Variants in RNF150 observed in about 807,000 individuals in gnomAD.
The protein encoded by RNF150 is ring finger protein 150.
Under a neutral mutation model 39.3 loss-of-function variants are expected in RNF150, and 24 were observed. The ratio of observed to expected loss-of-function variants is 0.61; its 90% CI spans 0.44 to 0.86. The LOEUF (loss-of-function observed/expected upper bound fraction) is 0.86. Ranked by LOEUF, RNF150 falls within the 40% of genes least tolerant of loss-of-function variation. The pLI is 0.00. For missense variants in RNF150, 502 were observed against 587.8 expected (o/e 0.85, Z 1.51); for synonymous variants, 255 against 227.3 (o/e 1.12, Z -1.10).
intron 1 of RNF150, among the ~76,000 whole-genome samples, chr4:140,984,028 C>T (rs970033809): frequency 6.6e-6 from 1 of 152,058 alleles, no homozygotes; most frequent in African/African-American, 2.4e-5. Context: ...GTGTCAGCCC[C>T]GTGCCCAGCC....
intron 1 of RNF150, among the ~76,000 whole-genome samples, chr4:141,108,559 T>C (rs1739287300): frequency 6.6e-6 from 1 of 152,180 alleles, no homozygotes. Flanking sequence ...AAAAAAACAT[T>C]TTAACATCTC....
At chr4:140,892,681 C>T (rs1210437541) in intron 6 of RNF150, among the ~76,000 whole-genome samples, 13 of 135,736 alleles carry the variant, frequency 9.6e-5, no homozygotes, top group Non-Finnish European at 1.5e-5. Flanking sequence ...GGCTCCTTCC[C>T]CCTGGGGAGG....
At chr4:141,082,420 T>C (rs1385626177) in intron 1 of RNF150, among the ~76,000 whole-genome samples, 1 of 152,196 alleles carries the variant, frequency 6.6e-6, no homozygotes, top group African/African-American at 2.4e-5. Flanking sequence ...TTACTGGTTT[T>C]CCTTGCATTT....
At position 140,957,471 on chromosome 4, in the gene RNF150, A is replaced by G. The variant is rs1732808316; in HGVS notation, c.736-8099T>C. Among the ~76,000 whole-genome samples, 5 of 152,228 alleles carry G rather than the reference A, an allele frequency of 3.3e-5. No individual in the cohort carries two copies. In the South Asian group the frequency reaches 1.0e-3, roughly 32 times the overall value. On this transcript the variant is annotated intron_variant, in intron 2 of 6. Coordinates refer to ENST00000515673, the MANE Select transcript of RNF150 (RefSeq NM_020724.2). Reference sequence around the variant, plus strand: ...GTTGGTGGGACTGTAAACTGGTTCAACCATTGTGGAAGTCGGTGTGGCGAT... The same window carrying G: ...GTTGGTGGGACTGTAAACTGGTTCAGCCATTGTGGAAGTCGGTGTGGCGAT...
At chr4:141,066,834 A>G (rs146764010) in intron 1 of RNF150, among the ~76,000 whole-genome samples, 117 of 152,332 alleles carry the variant, frequency 7.7e-4, no homozygotes, top group African/African-American at 2.6e-3. Context: ...TAACAGGGCT[A>G]TATTTTGAGA....
At chr4:141,139,792 A>G (rs1578762973) in intron 1 of RNF150, among the ~76,000 whole-genome samples, 1 of 152,214 alleles carries the variant, frequency 6.6e-6, no homozygotes, top group African/African-American at 2.4e-5. Context: ...GCCCGAGGCC[A>G]TGCAGGTAGC....
intron 1 of RNF150, among the ~76,000 whole-genome samples, chr4:141,002,231 C>T (rs1358668478): frequency 6.6e-6 from 1 of 151,426 alleles, no homozygotes; most frequent in Non-Finnish European, 1.5e-5. Flanking sequence ...ATGCTTTTTA[C>T]CAGGGTTTTC....
At chr4:140,890,073 A>C (rs202004476) in intron 6 of RNF150, among the ~76,000 whole-genome samples, 7 of 152,156 alleles carry the variant, frequency 4.6e-5, no homozygotes. Context: ...CAACACAGCA[A>C]CCACCACTCT....
At chr4:140,929,233 TTAA>T (rs10565427) in intron 4 of RNF150, among the ~76,000 whole-genome samples, 149,466 of 152,154 alleles carry the variant, frequency 0.98, 73,475 homozygotes, top group East Asian at 1. Context: ...GGAGAAGTAT[TTAA>T]TACTACAGCG....
intron 1 of RNF150, among the ~76,000 whole-genome samples, chr4:141,078,852 C>T (rs1738032362): frequency 7.2e-6 from 1 of 139,216 alleles, no homozygotes; most frequent in East Asian, 2.0e-4. Flanking sequence ...CACACACATA[C>T]ATACATACAT....
intron 1 of RNF150, among the ~76,000 whole-genome samples, chr4:141,052,937 T>C (rs1736832164): frequency 6.6e-6 from 1 of 152,184 alleles, no homozygotes; most frequent in Non-Finnish European, 1.5e-5. Flanking sequence ...GGATCATTTT[T>C]GAGTCTGGGA....
chr4:140,921,327 A>G (rs1273476411), intron 5 of RNF150, among the ~76,000 whole-genome samples: 1 of 151,898 alleles, frequency 6.6e-6, no homozygotes, highest in Non-Finnish European at 1.5e-5. Flanking sequence ...CCATCAGAGA[A>G]TACTATAAAC....
At chr4:140,962,684 T>C (rs1733088658) in intron 2 of RNF150, among the ~76,000 whole-genome samples, 3 of 151,950 alleles carry the variant, frequency 2.0e-5, no homozygotes, top group African/African-American at 4.8e-5. Flanking sequence ...TAATAAAGGA[T>C]ATCATTCATT....
In RNF150 at chr4:140,949,491, C is replaced by T. The variant is rs1408170102; in HGVS notation, c.736-119G>A. On this transcript the variant is annotated intron_variant, in intron 2 of 6. Coordinates refer to ENST00000515673, the MANE Select transcript of RNF150 (RefSeq NM_020724.2). Reference sequence around the variant, plus strand: ...AAATCATGCACATGTGGTATGAATGCTAGCAATGACGACTAGAAAAGACAG... The same window carrying T: ...AAATCATGCACATGTGGTATGAATGTTAGCAATGACGACTAGAAAAGACAG... 12 of 810,180 alleles carry T rather than the reference C, an allele frequency of 1.5e-5. No individual in the cohort carries two copies. The Admixed American group carries it at 2.2e-4, about 15-fold the overall frequency. The allele number at this position is 810,180 out of a possible 1,614,324, so 50.2% of individuals were successfully genotyped here.
Position 141,132,559 on chromosome 4 carries a change from G to C in RNF150, c.250C>G (p.Gln84Glu). The C allele has an allele frequency of 6.3e-7, 1 of 1,590,594 alleles. No individual in the cohort carries two copies. The highest frequency in any genetic ancestry group is 1.1e-5 in the South Asian group (1 of 87,336). The part of the protein sequence containing the change: ...CGRYGEHSPK[Q>E]DARGEVVMAS... ...ATGACCACCTCCCCGCGGGCGTCCT[G>C]CTTGGGCGAGTGCTCTCCGTAGCGC... Residue 84 changes from glutamine (Q) to glutamate (E), a missense_variant, in exon 1 of 7, where the codon CAG becomes GAG. Physicochemically the swap from Gln to Glu is conservative, Grantham distance 29 (BLOSUM62 2). Coordinates refer to ENST00000515673, the MANE Select transcript of RNF150 (RefSeq NM_020724.2). This position sits in a 1 kb window ranked among gnomAD's most constrained non-coding sequence, Gnocchi z 4.9.
chr4:140,918,627 T>A (rs1578963914), intron 5 of RNF150, among the ~76,000 whole-genome samples: 1 of 152,064 alleles, frequency 6.6e-6, no homozygotes, highest in East Asian at 1.9e-4. Flanking sequence ...CTGGTACCAT[T>A]CCTTCTGAAA....
At chr4:141,004,695 T>A (rs185933362) in intron 1 of RNF150, among the ~76,000 whole-genome samples, 2 of 152,288 alleles carry the variant, frequency 1.3e-5, no homozygotes, top group Admixed American at 1.3e-4. Context: ...TAAAAAATCA[T>A]CCCCACTAGG....
At chr4:141,000,836 G>GT (rs1340714147) in intron 1 of RNF150, among the ~76,000 whole-genome samples, 24 of 152,282 alleles carry the variant, frequency 1.6e-4, no homozygotes, top group Admixed American at 5.2e-4. Context: ...TCATTTGGAA[G>GT]TTTTTTCAAC....
chr4:141,118,689 A>T (rs1726511237), intron 1 of RNF150, among the ~76,000 whole-genome samples: 1 of 152,146 alleles, frequency 6.6e-6, no homozygotes, highest in African/African-American at 2.4e-5. Context: ...GCCCCATTTC[A>T]GTTGCTAAAT....
Sources: allele counts gnomAD v4.1 joint callset (sites outside exome capture counted in the v4.1 genomes callset), GRCh38; gene constraint gnomAD v4.1.1; non-coding constraint Gnocchi (gnomAD v3.1); transcripts MANE v1.5; gene names NCBI Gene and HGNC (gene_info 2026-07-23, HGNC 2026-07-21).